The following HNRNPH1 variants were observed in gnomAD, a reference collection of about 807,000 sequenced individuals.
HNRNPH1 encodes the protein heterogeneous nuclear ribonucleoprotein H1.
In HNRNPH1, 4 loss-of-function variants were observed where a neutral mutation model predicts 58.6. That is an observed-to-expected ratio of 0.07 (90% CI 0.03 to 0.16). HNRNPH1 has a LOEUF of 0.16. Among genes scored for constraint, HNRNPH1 ranks in the 10% least tolerant of loss-of-function variants. HNRNPH1 has a pLI of 1.00. For missense variants in HNRNPH1, 271 were observed against 564.2 expected (o/e 0.48, Z 5.26); for synonymous variants, 192 against 189.2 (o/e 1.01, Z -0.12).
At chr5:179,629,079 CA>C (rs1408209251), upstream of HNRNPH1, 2 of 146,006 alleles carry the variant, frequency 1.4e-5, no homozygotes, top group Non-Finnish European at 3.1e-5. Context: ...GGGCAGATCA[CA>C]AGGTCAGCAG....
chr5:179,626,764 C>G (rs796971356), upstream of HNRNPH1, among the ~76,000 whole-genome samples: 59 of 145,318 alleles, frequency 4.1e-4, no homozygotes, highest in African/African-American at 1.5e-3. Context: ...GTCTTTATGT[C>G]TTGGTATACT....
upstream of HNRNPH1, among the ~76,000 whole-genome samples, chr5:179,628,276 A>G (rs547420211): frequency 1.3e-5 from 2 of 152,356 alleles, no homozygotes; most frequent in East Asian, 3.9e-4. Flanking sequence ...TATCATTTGT[A>G]AGACACATTT....
intron 3 of HNRNPH1, chr5:179,620,576 A>T: frequency 3.8e-6 from 1 of 262,690 alleles, no homozygotes; most frequent in Non-Finnish European, 7.4e-6. Context: ...TGGTAAAGGG[A>T]TCTTACCTTT....
At chr5:179,618,629 A>G (rs964258489) in intron 4 of HNRNPH1, 1 of 224,498 alleles carries the variant, frequency 4.5e-6, no homozygotes, top group Non-Finnish European at 8.7e-6. Flanking sequence ...TCAACTTTCA[A>G]CATTTCAAGT....
At chr5:179,632,845 C>A (rs1194730766) in intron 2 of HNRNPH1, among the ~76,000 whole-genome samples, 2 of 138,266 alleles carry the variant, frequency 1.4e-5, no homozygotes, top group Non-Finnish European at 1.5e-5. Context: ...CCACCAAGCC[C>A]GGCGAATTTT....
intron 3 of HNRNPH1, 29 bp from the exon 5 acceptor site, chr5:179,619,436 AG>A (rs1408152799): frequency 2.5e-6 from 4 of 1,588,726 alleles, no homozygotes; most frequent in Non-Finnish European, 2.6e-6. Flanking sequence ...TAACCCCAGT[AG>A]GGGGGCAATA....
intron 12 of HNRNPH1, 83 bp from the exon 14 acceptor site, chr5:179,615,042 A>G: frequency 1.1e-6 from 1 of 878,494 alleles, no homozygotes; most frequent in South Asian, 1.4e-5. Flanking sequence ...AAAAAGTTTA[A>G]AAAGTATACG....
upstream of HNRNPH1, among the ~76,000 whole-genome samples, chr5:179,627,003 G>A (rs984930315): frequency 7.7e-4 from 117 of 151,994 alleles, no homozygotes; most frequent in Non-Finnish European, 6.6e-4. Flanking sequence ...GGATGGTCTC[G>A]ATCTCCTAAC....
upstream of HNRNPH1, chr5:179,624,672 C>T: frequency 2.5e-6 from 1 of 398,524 alleles, no homozygotes; most frequent in Non-Finnish European, 4.4e-6. Flanking sequence ...AGCAGCACTG[C>T]CCAAAACCTA....
exon 12 of HNRNPH1, chr5:179,615,595 T>C: frequency 6.5e-7 from 1 of 1,545,984 alleles, no homozygotes; most frequent in Admixed American, 1.7e-5. Flanking sequence ...TAAAACTTGG[T>C]CTGCAAAAGG....
Position 179,616,112 on chromosome 5 carries a change from C to G in HNRNPH1, c.1300+14G>C. ...CCATAACTTACTCTAAGTACAGTAA[C>G]AAACAGGCTTTACCGTATCCACTCA... On this transcript the variant is annotated intron_variant, in intron 11 of 12. Coordinates refer to ENST00000356731, the Ensembl canonical transcript of HNRNPH1. The G allele has an allele frequency of 6.2e-7, 1 of 1,600,108 alleles. No homozygotes were observed.
At chr5:179,627,270 C>T (rs1774481074), upstream of HNRNPH1, among the ~76,000 whole-genome samples, 1 of 152,082 alleles carries the variant, frequency 6.6e-6, no homozygotes, top group South Asian at 2.1e-4. Flanking sequence ...TAACTCACTG[C>T]AGCCTTGAAC....
chr5:179,623,639 G>A (rs886234471), exon 1 of HNRNPH1: 21 of 153,778 alleles, frequency 1.4e-4, no homozygotes, highest in African/African-American at 1.9e-4. Context: ...GACTCACCTA[G>A]ACACGCGACT....
chr5:179,627,119 T>C (rs893743453), upstream of HNRNPH1, among the ~76,000 whole-genome samples: 1 of 152,188 alleles, frequency 6.6e-6, no homozygotes, highest in Non-Finnish European at 1.5e-5. Context: ...CAGAGCTCTT[T>C]ATTAAGGCTG....
At chr5:179,628,980 CAAAGA>C (rs879311609), upstream of HNRNPH1, among the ~76,000 whole-genome samples, 8 of 151,548 alleles carry the variant, frequency 5.3e-5, no homozygotes, top group African/African-American at 9.7e-5. Flanking sequence ...GACTGTGCCT[CAAAGA>C]AAAGAAAATA....
At chr5:179,622,060 T>C (rs777250505) in intron 1 of HNRNPH1, 6 of 451,234 alleles carry the variant, frequency 1.3e-5, no homozygotes, top group Non-Finnish European at 1.8e-5. Flanking sequence ...ATCAGTCTAA[T>C]TTCTTTTTCC....
chr5:179,614,818 A>T, exon 13 of HNRNPH1: 24 of 941,368 alleles, frequency 2.5e-5, no homozygotes, highest in Non-Finnish European at 3.9e-5. Context: ...GTTGACCAAG[A>T]GTCAGTGATC....
chr5:179,633,503 G>C (rs1426156486), intron 2 of HNRNPH1, among the ~76,000 whole-genome samples: 4 of 146,470 alleles, frequency 2.7e-5, no homozygotes, highest in African/African-American at 1.0e-4. Flanking sequence ...TAGTAGAGAC[G>C]GGGTTTCACC....
At chr5:179,615,627 A>G in intron 11 of HNRNPH1, 32 bp from the exon 13 acceptor site, 1 of 1,228,362 alleles carries the variant, frequency 8.1e-7, no homozygotes, top group Non-Finnish European at 1.2e-6. Flanking sequence ...TAAGACTATA[A>G]TACCAAAATC....
Sources: gnomAD v4.1 joint callset for allele counts (sites outside exome capture counted in the v4.1 genomes callset) on GRCh38, gnomAD v4.1.1 for gene constraint, MANE v1.5 for transcripts, NCBI Gene and HGNC (gene_info 2026-07-23, HGNC 2026-07-21) for gene names.